ARHGAP12: variants seen among roughly 807,000 people sequenced by gnomAD.
ARHGAP12 encodes Rho GTPase activating protein 12.
In ARHGAP12, 64 loss-of-function variants were observed where a neutral mutation model predicts 108.6. The ratio of observed to expected loss-of-function variants is 0.59; its 90% CI spans 0.48 to 0.73. ARHGAP12 has a LOEUF of 0.73. Ranked by LOEUF, ARHGAP12 falls within the 30% of genes least tolerant of loss-of-function variation. ARHGAP12 has a pLI of 0.00. For synonymous variants in ARHGAP12, 312 were observed against 337.2 expected (o/e 0.93, Z 0.82); for missense variants, 940 against 1,005.9 (o/e 0.93, Z 0.89).
At chr10:31,885,140 T>C (rs866834870) in intron 3 of ARHGAP12, among the ~76,000 whole-genome samples, 2 of 152,196 alleles carry the variant, frequency 1.3e-5, no homozygotes, top group South Asian at 2.1e-4. Flanking sequence ...AAATGTCTAA[T>C]GTCCTAGTAT....
intron 1 of ARHGAP12, among the ~76,000 whole-genome samples, chr10:31,915,783 T>C (rs577532599): frequency 6.6e-6 from 1 of 152,104 alleles, no homozygotes; most frequent in Non-Finnish European, 1.5e-5. Flanking sequence ...TTTAAAAAAA[T>C]GAAACAAACT....
intron 3 of ARHGAP12, among the ~76,000 whole-genome samples, chr10:31,891,805 T>C (rs1838451205): frequency 1.3e-5 from 2 of 152,174 alleles, no homozygotes; most frequent in African/African-American, 4.8e-5. Flanking sequence ...TCTCTAAACT[T>C]CTCTTCTCAC....
intron 3 of ARHGAP12, among the ~76,000 whole-genome samples, chr10:31,879,284 C>G (rs148527053): frequency 1.4e-3 from 215 of 152,128 alleles, no homozygotes; most frequent in Admixed American, 2.7e-3. Flanking sequence ...TGGTGGCACA[C>G]CCCTGTGTTC....
intron 3 of ARHGAP12, among the ~76,000 whole-genome samples, chr10:31,879,639 C>T (rs577818204): frequency 1.1e-3 from 173 of 152,302 alleles, no homozygotes; most frequent in African/African-American, 4.0e-3. Flanking sequence ...TTCATTGCCT[C>T]ATCCTACTAA....
intron 3 of ARHGAP12, among the ~76,000 whole-genome samples, chr10:31,896,749 T>A (rs986604236): frequency 1.3e-5 from 2 of 152,170 alleles, no homozygotes; most frequent in Admixed American, 6.6e-5. Flanking sequence ...CTGTAGAACT[T>A]CCTATTTTAG....
At chr10:31,869,317 A>T (rs1837451891) in intron 3 of ARHGAP12, among the ~76,000 whole-genome samples, 1 of 152,206 alleles carries the variant, frequency 6.6e-6, no homozygotes. Flanking sequence ...CAGGAGGATC[A>T]CCTGAGGTCA....
At chr10:31,817,943 T>A in intron 12 of ARHGAP12, 57 bp from the exon 13 acceptor site, 1 of 1,217,524 alleles carries the variant, frequency 8.2e-7, no homozygotes. Flanking sequence ...TTCAGCAAAA[T>A]ACATGAATAC....
chr10:31,928,791 G>C lies in ARHGAP12; in HGVS notation c.-219C>G, dbSNP rs1724862702. ...GTTCACACGGCTACGGCCGCGGCCG[G>C]CCCGTCCCCGCAGGCTGGCCTCTGA... On this transcript the variant is annotated 5_prime_UTR_variant, in exon 1 of 20. Transcript: ENST00000344936. 6.6e-6 allele frequency: 1 copy of C among 151,930 alleles called. No homozygotes were observed. The highest frequency in any genetic ancestry group is 1.5e-5 in the Non-Finnish European group (1 of 67,966). The allele number at this position is 151,930 out of a possible 1,614,324, so 9.4% of individuals were successfully genotyped here.
At chr10:31,894,050 C>G (rs1035010729) in intron 3 of ARHGAP12, among the ~76,000 whole-genome samples, 7 of 152,150 alleles carry the variant, frequency 4.6e-5, no homozygotes, top group African/African-American at 1.2e-4. Context: ...TTCAACAGCC[C>G]TTCATGCTAA....
chr10:31,914,177 A>C (rs918958394), intron 1 of ARHGAP12, among the ~76,000 whole-genome samples: 1 of 152,232 alleles, frequency 6.6e-6, no homozygotes, highest in African/African-American at 2.4e-5. Flanking sequence ...AATAATAATA[A>C]TGCCATTTGC....
intron 3 of ARHGAP12, among the ~76,000 whole-genome samples, chr10:31,889,670 A>T (rs904321883): frequency 3.4e-5 from 4 of 116,508 alleles, no homozygotes; most frequent in African/African-American, 1.4e-4. Flanking sequence ...TCTGTCATGC[A>T]TGCTGGAGTG....
chr10:31,919,699 G>A (rs1345729532), intron 1 of ARHGAP12, among the ~76,000 whole-genome samples: 6 of 151,938 alleles, frequency 3.9e-5, no homozygotes, highest in African/African-American at 1.2e-4. Context: ...GCTGAGGCAG[G>A]AGAATGGTGT....
rs1192849962 is a variant in ARHGAP12, at chr10:31,882,138, T to A, written c.685-20480A>T. Among the ~76,000 whole-genome samples, 4 of 152,160 alleles carry A rather than the reference T, an allele frequency of 2.6e-5. No individual in the cohort carries two copies. The South Asian group carries it at 8.3e-4, about 32-fold the overall frequency. ...ACCGTTTTAGCCGGGATGGTCTCGA[T>A]CTCCTGACCTCGTGATCCGCCCGCC... On this transcript the variant is annotated intron_variant, in intron 3 of 19. Coordinates refer to ENST00000344936, the MANE Select transcript of ARHGAP12 (RefSeq NM_018287.7).
intron 3 of ARHGAP12, 77 bp downstream of exon 3, chr10:31,908,095 A>C (rs544092506): frequency 2.2e-6 from 3 of 1,376,730 alleles, no homozygotes; most frequent in Non-Finnish European, 2.9e-6. Flanking sequence ...TAACTCTTAC[A>C]AATATTTCAA....
rs1033802977 is a variant in ARHGAP12, at chr10:31,847,794, T to C, written c.1171-4208A>G. On this transcript the variant is annotated intron_variant, in intron 6 of 19. Coordinates refer to ENST00000344936, the MANE Select transcript of ARHGAP12 (RefSeq NM_018287.7). ...AGGGAGGGGGAGAGTGCTCTTTCAA[T>C]AGTGCTGGTTAGGGATGGCTGACTG... Among the ~76,000 whole-genome samples, 16 of 152,268 alleles carry C rather than the reference T, an allele frequency of 1.1e-4. 1 individual carries two copies. The highest frequency in any genetic ancestry group is 4.1e-4 in the South Asian group (2 of 4,824).
At chr10:31,928,259 C>A (rs1461093925) in intron 1 of ARHGAP12, among the ~76,000 whole-genome samples, 1 of 151,810 alleles carries the variant, frequency 6.6e-6, no homozygotes, top group East Asian at 1.9e-4. Flanking sequence ...GACACGCACA[C>A]ACCCGCCTTG....
intron 18 of ARHGAP12, 90 bp from the exon 19 acceptor site, chr10:31,808,841 C>T: frequency 2.8e-6 from 4 of 1,410,156 alleles, no homozygotes; most frequent in Non-Finnish European, 4.0e-6. Context: ...TTTGGTAATA[C>T]ACAGTGACAT....
At chr10:31,812,538 C>A (rs935886961) in intron 15 of ARHGAP12, 169 bp downstream of exon 15, 1 of 452,984 alleles carries the variant, frequency 2.2e-6, no homozygotes, top group Non-Finnish European at 3.8e-6. Context: ...TTAAAATAAA[C>A]TTTCAAAAAA....
In ARHGAP12 at chr10:31,834,892, CAAGT is replaced by C. The variant is rs1476531157; in HGVS notation, c.1387-3096_1387-3093del. 2.6e-5 allele frequency among the ~76,000 whole-genome samples: 4 copies of C among 152,138 alleles called. No homozygotes were observed. The East Asian group carries it at 7.7e-4, about 29-fold the overall frequency. The stretch of plus-strand genomic sequence containing the variant: ...GATGGGTAATATAGGTTTGGATACA[CAAGT>C]AAGAGTTAGGAAAAACATTTAAGGC... On this transcript the variant is annotated intron_variant, in intron 9 of 19. Transcript: ENST00000344936.
Sources: gnomAD v4.1 joint callset for allele counts (sites outside exome capture counted in the v4.1 genomes callset) on GRCh38, gnomAD v4.1.1 for gene constraint, MANE v1.5 for transcripts, NCBI Gene and HGNC (gene_info 2026-07-23, HGNC 2026-07-21) for gene names.